The following VPS8 variants were observed in gnomAD, a reference collection of about 807,000 sequenced individuals.
The protein encoded by VPS8 is VPS8 subunit of CORVET complex, also known as vacuolar protein sorting-associated protein 8 homolog.
A neutral mutation model predicts 216.4 loss-of-function variants in VPS8; 129 were observed. That is an observed-to-expected ratio of 0.60 (90% CI 0.52 to 0.69). VPS8 has a LOEUF of 0.69. Ranked by LOEUF, VPS8 falls within the 30% of genes least tolerant of loss-of-function variation. The pLI is 0.00. For missense variants in VPS8, 1,531 were observed against 1,683.5 expected (o/e 0.91, Z 1.59); for synonymous variants, 571 against 565.4 (o/e 1.01, Z -0.14).
At chr3:184,942,599 G>C (rs1305482596) in intron 36 of VPS8, among the ~76,000 whole-genome samples, 1 of 152,114 alleles carries the variant, frequency 6.6e-6, no homozygotes, top group Non-Finnish European at 1.5e-5. Flanking sequence ...TTTAAAAAGA[G>C]CTCATGTTTG....
chr3:184,913,314 G>C (rs1186517897), intron 25 of VPS8, among the ~76,000 whole-genome samples: 3 of 152,116 alleles, frequency 2.0e-5, no homozygotes, highest in Non-Finnish European at 4.4e-5. Context: ...ATCTATCTTA[G>C]GGTAGCTTAT....
At chr3:184,843,736 G>A (rs1194478164) in intron 8 of VPS8, among the ~76,000 whole-genome samples, 1 of 152,156 alleles carries the variant, frequency 6.6e-6, no homozygotes, top group Admixed American at 6.5e-5. Flanking sequence ...GTTTTGTATA[G>A]AAACTCATCT....
intron 45 of VPS8, among the ~76,000 whole-genome samples, chr3:185,000,639 C>T (rs1415177678): frequency 1.6e-4 from 22 of 138,686 alleles, no homozygotes; most frequent in South Asian, 4.5e-4. Context: ...GATGCAGTCT[C>T]GCTCTGTTGC....
intron 46 of VPS8, among the ~76,000 whole-genome samples, chr3:185,042,800 A>G (rs566671489): frequency 6.6e-6 from 1 of 152,334 alleles, no homozygotes; most frequent in African/African-American, 2.4e-5. Context: ...TTAAAAAAAT[A>G]TATAATGAGA....
chr3:184,960,081 ATGCGGTGTTTGGTTTTTTGTCCT>A (rs1746258502), intron 37 of VPS8, among the ~76,000 whole-genome samples: 1 of 152,022 alleles, frequency 6.6e-6, no homozygotes, highest in South Asian at 2.1e-4. Flanking sequence ...GAATAAGAAC[ATGCGGTGTTTGGTTTTTTGTCCT>A]TGCGATAGTT....
intron 45 of VPS8, among the ~76,000 whole-genome samples, chr3:185,013,328 G>A (rs958938470): frequency 6.6e-6 from 1 of 152,222 alleles, no homozygotes; most frequent in African/African-American, 2.4e-5. Flanking sequence ...AAAAGCAAAG[G>A]CAGCTTTGCA....
At chr3:184,823,062 G>C (rs577817422) in intron 1 of VPS8, among the ~76,000 whole-genome samples, 14 of 152,190 alleles carry the variant, frequency 9.2e-5, no homozygotes, top group African/African-American at 3.4e-4. Context: ...ATTTATACAA[G>C]GTAACTATTC....
intron 8 of VPS8, among the ~76,000 whole-genome samples, chr3:184,848,095 G>A (rs1259941708): frequency 6.6e-6 from 1 of 151,904 alleles, no homozygotes; most frequent in Non-Finnish European, 1.5e-5. Flanking sequence ...TTATATTAGT[G>A]GAGATGGAGT....
chr3:184,894,566 C>CT (rs1733028282), intron 22 of VPS8, 137 bp from the exon 23 acceptor site: 2 of 571,350 alleles, frequency 3.5e-6, no homozygotes, highest in Non-Finnish European at 6.1e-6. Flanking sequence ...GTATAAAACT[C>CT]TGTGAATATT....
At chr3:184,871,278 T>C (rs1380101950) in intron 21 of VPS8, among the ~76,000 whole-genome samples, 1 of 144,562 alleles carries the variant, frequency 6.9e-6, no homozygotes, top group Non-Finnish European at 1.5e-5. Context: ...TGGAACTTAA[T>C]GAAAATGAAA....
chr3:185,033,498 T>A (rs1296275623), intron 46 of VPS8, among the ~76,000 whole-genome samples: 2 of 152,238 alleles, frequency 1.3e-5, no homozygotes, highest in African/African-American at 4.8e-5. Context: ...CTTGTCTGCT[T>A]GGACTATAAT....
At chr3:184,850,211 C>T (rs1450553336) in intron 10 of VPS8, among the ~76,000 whole-genome samples, 189 bp downstream of exon 10, 2 of 152,080 alleles carry the variant, frequency 1.3e-5, no homozygotes, top group East Asian at 1.9e-4. Context: ...TGATGTTTTT[C>T]CAGGTTAAAA....
chr3:184,820,235 C>T (rs770792364), intron 1 of VPS8, among the ~76,000 whole-genome samples: 5 of 152,204 alleles, frequency 3.3e-5, no homozygotes, highest in African/African-American at 9.6e-5. Context: ...GAGATCAAGA[C>T]GACTTCAGTC....
At chr3:185,050,142 G>C (rs1378439163) in intron 47 of VPS8, among the ~76,000 whole-genome samples, 1 of 106,508 alleles carries the variant, frequency 9.4e-6, no homozygotes, top group Non-Finnish European at 1.9e-5. Context: ...TTTTTTTTTT[G>C]CAATTGATCT....
Position 185,042,470 on chromosome 3 carries a change from G to A in VPS8, c.4057-6009G>A, listed in dbSNP as rs538560718. ...GTGGCAAGACTCCAGGTTTGCACAGGAGAGTGGCCCCTGGAAGGGGGTCAG... is the reference window on the plus strand; with the variant it reads ...GTGGCAAGACTCCAGGTTTGCACAGAAGAGTGGCCCCTGGAAGGGGGTCAG... On this transcript the variant is annotated intron_variant, in intron 46 of 47. Transcript: ENST00000625842. Among the ~76,000 whole-genome samples the A allele has an allele frequency of 3.1e-4, 47 of 152,340 alleles. 3 individuals are homozygous for A. The South Asian group carries it at 8.7e-3, about 28-fold the overall frequency.
intron 46 of VPS8, among the ~76,000 whole-genome samples, chr3:185,036,825 G>A (rs1351744077): frequency 1.3e-5 from 2 of 151,746 alleles, no homozygotes; most frequent in Non-Finnish European, 1.5e-5. Flanking sequence ...TGCAACAATA[G>A]GTTGTTGTAA....
At chr3:185,043,559 A>C (rs1028114852) in intron 46 of VPS8, among the ~76,000 whole-genome samples, 1 of 152,210 alleles carries the variant, frequency 6.6e-6, no homozygotes, top group Non-Finnish European at 1.5e-5. Context: ...GTGAACGCCT[A>C]GTGTGTACCC....
intron 5 of VPS8, among the ~76,000 whole-genome samples, chr3:184,837,137 G>A (rs1721248140): frequency 6.6e-6 from 1 of 151,996 alleles, no homozygotes; most frequent in South Asian, 2.1e-4. Context: ...TTTGACTTTT[G>A]AGACCCACTA....
intron 37 of VPS8, among the ~76,000 whole-genome samples, chr3:184,961,205 C>T (rs1055149131): frequency 2.6e-5 from 4 of 152,066 alleles, no homozygotes; most frequent in Non-Finnish European, 5.9e-5. Context: ...TCTCTTGTTT[C>T]TAAATGAAAA....
Sources: gnomAD v4.1 joint callset for allele counts (sites outside exome capture counted in the v4.1 genomes callset) on GRCh38, gnomAD v4.1.1 for gene constraint, MANE v1.5 for transcripts, NCBI Gene and HGNC (gene_info 2026-07-23, HGNC 2026-07-21) for gene names.